The following PSORS1C1 variants were observed in gnomAD, a reference collection of about 807,000 sequenced individuals.
PSORS1C1 encodes the protein psoriasis susceptibility 1 candidate gene 1 protein.
A neutral mutation model predicts 9.4 loss-of-function variants in PSORS1C1; 7 were observed. That is an observed-to-expected ratio of 0.75 (90% CI 0.42 to 1.40). The LOEUF is 1.40. PSORS1C1 is among the 40% of genes most tolerant of loss of function. PSORS1C1 has a pLI of 0.01. For synonymous variants in PSORS1C1, 63 were observed against 69.4 expected (o/e 0.91, Z 0.46); for missense variants, 146 against 178.1 (o/e 0.82, Z 1.02).
intron 3 of PSORS1C1, among the ~76,000 whole-genome samples, chr6:31,134,019 C>T (rs1330655937): frequency 6.6e-6 from 1 of 152,186 alleles, no homozygotes; most frequent in East Asian, 1.9e-4. Context: ...TGCTCTGTCG[C>T]CCAGGCTGCA....
At chr6:31,138,134 C>T (rs1773247637) in intron 3 of PSORS1C1, 1 of 1,605,844 alleles carries the variant, frequency 6.2e-7, no homozygotes, top group Non-Finnish European at 8.5e-7. Flanking sequence ...CAGTTTCAGG[C>T]AGGTCTCTCC....
At chr6:31,124,564 G>C (rs1772599977) in intron 1 of PSORS1C1, among the ~76,000 whole-genome samples, 2 of 152,220 alleles carry the variant, frequency 1.3e-5, no homozygotes. Flanking sequence ...CTGACACCAT[G>C]CTATAAATGA....
intron 1 of PSORS1C1, among the ~76,000 whole-genome samples, chr6:31,123,288 T>C: frequency 6.6e-6 from 1 of 152,232 alleles, no homozygotes; most frequent in East Asian, 1.9e-4. Context: ...CCTTGAGCTC[T>C]AATCCGCCGT....
intron 4 of PSORS1C1, 87 bp from the exon 5 acceptor site, chr6:31,138,569 G>A: frequency 6.2e-7 from 1 of 1,608,900 alleles, no homozygotes. Flanking sequence ...CTCCAAATAA[G>A]CTCCATCCAC....
chr6:31,128,046 G>A lies in PSORS1C1; in HGVS notation c.-64-1523G>A, dbSNP rs1434978430. Reference sequence around the variant, plus strand: ...ACCGCTGGCTCATGAAATAATCAGGGAGAGAATGTGTAAATGATGATCGTG... The same window carrying A: ...ACCGCTGGCTCATGAAATAATCAGGAAGAGAATGTGTAAATGATGATCGTG... On this transcript the variant is annotated intron_variant, in intron 2 of 5. Coordinates refer to ENST00000259881, the MANE Select transcript of PSORS1C1 (RefSeq NM_014068.3). The surrounding 1 kb of genome is among the most constrained non-coding windows in gnomAD (Gnocchi z 4.3). Among the ~76,000 whole-genome samples the A allele has an allele frequency of 6.6e-6, 1 of 152,200 alleles. No homozygotes were observed. Among genetic ancestry groups the A allele is most frequent in the Non-Finnish European group, 1.5e-5 (1 of 68,036 alleles).
At chr6:31,134,006 T>C (rs1193600534) in intron 3 of PSORS1C1, among the ~76,000 whole-genome samples, 2 of 152,164 alleles carry the variant, frequency 1.3e-5, no homozygotes, top group Non-Finnish European at 2.9e-5. Context: ...TGAGATGGGG[T>C]CTTGCTCTGT....
At chr6:31,131,707 G>C (rs1430968922) in intron 3 of PSORS1C1, among the ~76,000 whole-genome samples, 1 of 151,440 alleles carries the variant, frequency 6.6e-6, no homozygotes, top group Non-Finnish European at 1.5e-5. Context: ...TTTGTCCCCT[G>C]TGTGACCTTG....
intron 3 of PSORS1C1, among the ~76,000 whole-genome samples, chr6:31,132,999 C>G (rs3823416): frequency 1.4e-5 from 2 of 145,870 alleles, no homozygotes; most frequent in Non-Finnish European, 3.0e-5. Flanking sequence ...GGTCTGGGGG[C>G]GGGCTGGGGG....
At chr6:31,129,431 G>T in intron 2 of PSORS1C1, 138 bp from the exon 3 acceptor site, 1 of 601,468 alleles carries the variant, frequency 1.7e-6, no homozygotes, top group Non-Finnish European at 3.0e-6. Flanking sequence ...TACCATCCAG[G>T]CCCACTCAGT....
At chr6:31,132,710 T>G (rs969442768) in intron 3 of PSORS1C1, among the ~76,000 whole-genome samples, 1 of 151,842 alleles carries the variant, frequency 6.6e-6, no homozygotes, top group Non-Finnish European at 1.5e-5. Context: ...ATTAGCCCAG[T>G]GAGTGGAGTG....
At chr6:31,129,773 G>A (rs1366599360) in intron 3 of PSORS1C1, 128 bp downstream of exon 3, 1 of 681,240 alleles carries the variant, frequency 1.5e-6, no homozygotes, top group African/African-American at 1.8e-5. Context: ...AGGCACAGTT[G>A]CTGTCTTCAA....
intron 1 of PSORS1C1, chr6:31,117,687 T>C: frequency 1.5e-6 from 1 of 672,860 alleles, no homozygotes; most frequent in Non-Finnish European, 2.6e-6. Flanking sequence ...CTATTGTCTC[T>C]AAAGGATATT....
At chr6:31,137,571 A>C in intron 3 of PSORS1C1, 1 of 269,326 alleles carries the variant, frequency 3.7e-6, no homozygotes, top group Non-Finnish European at 6.9e-6. Flanking sequence ...GTTTCATGGA[A>C]GCAGCAGCTG....
chr6:31,120,469 C>T, intron 1 of PSORS1C1: 1 of 1,431,282 alleles, frequency 7.0e-7, no homozygotes, highest in Non-Finnish European at 9.6e-7. Context: ...ACACCCGGGT[C>T]CTTTATGCCA....
chr6:31,131,124 G>A (rs1338958355), intron 3 of PSORS1C1, among the ~76,000 whole-genome samples: 6 of 152,012 alleles, frequency 3.9e-5, no homozygotes, highest in Admixed American at 6.5e-5. Context: ...ATTTTCCCCC[G>A]ACCTGTCTCT....
intron 2 of PSORS1C1, 40 bp from the exon 3 acceptor site, chr6:31,129,529 C>T: frequency 1.3e-6 from 1 of 762,432 alleles, no homozygotes; most frequent in Non-Finnish European, 2.4e-6. Context: ...TGCCTCATGC[C>T]TCCCCCTTCT....
intron 3 of PSORS1C1, among the ~76,000 whole-genome samples, chr6:31,136,504 G>A (rs1043773332): frequency 6.6e-6 from 1 of 152,118 alleles, no homozygotes. Context: ...GTCAGGCCCA[G>A]GACAAGCAGG....
intron 3 of PSORS1C1, among the ~76,000 whole-genome samples, chr6:31,136,604 A>G (rs1773150122): frequency 6.6e-6 from 1 of 152,160 alleles, no homozygotes; most frequent in Non-Finnish European, 1.5e-5. Flanking sequence ...AGGTTTGCAT[A>G]TACCACTAGG....
chr6:31,125,209 C>T (rs1772626217), intron 1 of PSORS1C1, among the ~76,000 whole-genome samples: 1 of 152,214 alleles, frequency 6.6e-6, no homozygotes, highest in African/African-American at 2.4e-5. Context: ...AAAGGGGCCA[C>T]CCAGAGCTGC....
Sources: allele counts gnomAD v4.1 joint callset (sites outside exome capture counted in the v4.1 genomes callset), GRCh38; gene constraint gnomAD v4.1.1; non-coding constraint Gnocchi (gnomAD v3.1); transcripts MANE v1.5; gene names NCBI Gene and HGNC (gene_info 2026-07-23, HGNC 2026-07-21).